The following BANP variants were observed in gnomAD, a reference collection of about 807,000 sequenced individuals.
BANP encodes BTG3 associated nuclear protein, also known as protein BANP.
In BANP, 11 loss-of-function variants were observed where a neutral mutation model predicts 68.1. The observed-to-expected ratio is 0.16, with a 90% CI of 0.10 to 0.27. BANP has a LOEUF of 0.27. Ranked by LOEUF, BANP falls within the 10% of genes least tolerant of loss-of-function variation. The pLI is 1.00. For synonymous variants in BANP, 329 were observed against 303.2 expected (o/e 1.09, Z -0.88); for missense variants, 504 against 722.7 (o/e 0.70, Z 3.47).
intron 4 of BANP, among the ~76,000 whole-genome samples, chr16:87,992,033 T>C (rs1180687160): frequency 6.6e-6 from 1 of 152,246 alleles, no homozygotes; most frequent in African/African-American, 2.4e-5. Flanking sequence ...AGAAGTTTCC[T>C]TCTATTCTTT....
Position 88,018,838 on chromosome 16 carries a change from G to A in BANP, c.895+171G>A, listed in dbSNP as rs2075195830. ...TGCTCGAGGGGATGGATGAGCTGTT[G>A]ACCCTGATGTGCTTATTACGCACGG... is the stretch of plus-strand genomic sequence containing the variant. On this transcript the variant is annotated intron_variant, in intron 7 of 13. Coordinates refer to ENST00000682872, the MANE Select transcript of BANP (RefSeq NM_001386991.1). The surrounding 1 kb of genome is among the most constrained non-coding windows in gnomAD (Gnocchi z 7.7). 6.6e-6 allele frequency among the ~76,000 whole-genome samples: 1 copy of A among 152,198 alleles called. No individual in the cohort carries two copies. The highest frequency in any genetic ancestry group is 6.5e-5 in the Admixed American group (1 of 15,282).
intron 4 of BANP, among the ~76,000 whole-genome samples, chr16:87,994,370 C>A (rs1051028757): frequency 5.3e-5 from 8 of 152,244 alleles, no homozygotes; most frequent in African/African-American, 1.9e-4. Context: ...TGTTGGAGCA[C>A]AAGCATGGCT....
chr16:88,043,747 A>AG (rs1417776250), intron 11 of BANP, among the ~76,000 whole-genome samples: 1 of 152,212 alleles, frequency 6.6e-6, no homozygotes, highest in East Asian at 1.9e-4. Context: ...AGATTCATAG[A>AG]GGGAGAGAGT....
At chr16:88,026,579 A>G (rs1567796649) in intron 7 of BANP, among the ~76,000 whole-genome samples, 3 of 152,178 alleles carry the variant, frequency 2.0e-5, no homozygotes, top group South Asian at 4.1e-4. Flanking sequence ...ATAACAATAC[A>G]TGCGTGAATT....
intron 1 of BANP, among the ~76,000 whole-genome samples, chr16:87,969,731 AC>A (rs1371146755): frequency 6.6e-6 from 1 of 151,198 alleles, no homozygotes; most frequent in Admixed American, 6.6e-5. Context: ...ACGGGCTTTC[AC>A]CATGTTGGCT....
chr16:88,044,037 A>G (rs983622382), intron 11 of BANP, among the ~76,000 whole-genome samples: 6 of 152,220 alleles, frequency 3.9e-5, no homozygotes, highest in African/African-American at 1.4e-4. Context: ...TGGCCACTTC[A>G]GGGGGCTGGC....
chr16:88,047,411 C>T (rs1418472872), intron 11 of BANP, among the ~76,000 whole-genome samples: 2 of 152,196 alleles, frequency 1.3e-5, no homozygotes, highest in Admixed American at 6.5e-5. Context: ...GGGCCTTGCT[C>T]CTTCCCCCAA....
At chr16:87,983,464 C>T (rs1293926744) in intron 3 of BANP, among the ~76,000 whole-genome samples, 1 of 152,118 alleles carries the variant, frequency 6.6e-6, no homozygotes, top group East Asian at 1.9e-4. Context: ...CGTGACTGCT[C>T]ACTGGTTACT....
rs554024609 is a variant in BANP, at chr16:88,003,639, G to T, written c.363-656G>T. On this transcript the variant is annotated intron_variant, in intron 4 of 13. Coordinates refer to ENST00000682872, the MANE Select transcript of BANP (RefSeq NM_001386991.1). The surrounding 1 kb of genome is among the most constrained non-coding windows in gnomAD (Gnocchi z 6.1). ...ACACTCGTGCTTCCTCCAGGGTGGC[G>T]CCAGGCTTGCTGGTTTCTGGGCCAT... The T allele has an allele frequency of 2.2e-5, 9 of 415,668 alleles. No individual in the cohort carries two copies. The highest frequency in any genetic ancestry group is 6.2e-5 in the African/African-American group (3 of 48,578). The allele number at this position is 415,668 out of a possible 1,614,324, so 25.7% of individuals were successfully genotyped here.
At position 87,957,460 on chromosome 16, in the gene BANP, G is replaced by T. The variant is rs2058313334; in HGVS notation, c.-69+5945G>T. ...TTGAGACCGGATCCTGTGTGGACCG[G>T]GTGGGCTGGTGTGGAGTCCTGTCAG... On this transcript the variant is annotated intron_variant, in intron 1 of 13. Coordinates refer to ENST00000682872, the MANE Select transcript of BANP (RefSeq NM_001386991.1). The surrounding 1 kb of genome is among the most constrained non-coding windows in gnomAD (Gnocchi z 4.3). 4.6e-5 allele frequency among the ~76,000 whole-genome samples: 7 copies of T among 152,160 alleles called. No homozygotes were observed. The highest frequency in any genetic ancestry group is 4.6e-4 in the Admixed American group (7 of 15,282).
chr16:87,993,825 T>C (rs1015460776), intron 4 of BANP, among the ~76,000 whole-genome samples: 1 of 152,172 alleles, frequency 6.6e-6, no homozygotes, highest in African/African-American at 2.4e-5. Context: ...GGTCTCGAAC[T>C]CCTGACCTCA....
intron 7 of BANP, among the ~76,000 whole-genome samples, chr16:88,020,311 C>T (rs943247356): frequency 6.6e-6 from 1 of 152,228 alleles, no homozygotes; most frequent in African/African-American, 2.4e-5. Context: ...CAGAGGCGGG[C>T]AGCAGGCCCA....
At chr16:88,052,918 A>C (rs2083624374) in intron 11 of BANP, among the ~76,000 whole-genome samples, 1 of 151,444 alleles carries the variant, frequency 6.6e-6, no homozygotes, top group South Asian at 2.1e-4. Flanking sequence ...CATCACCAAC[A>C]CAACCACCTT....
intron 11 of BANP, among the ~76,000 whole-genome samples, chr16:88,062,652 T>C (rs1316935658): frequency 1.3e-5 from 2 of 152,192 alleles, no homozygotes; most frequent in East Asian, 1.9e-4. Flanking sequence ...CCAGTGTCCC[T>C]GGAGCCTGGA....
intron 11 of BANP, among the ~76,000 whole-genome samples, chr16:88,060,549 G>T (rs1288046259): frequency 1.3e-5 from 2 of 152,314 alleles, no homozygotes; most frequent in East Asian, 3.9e-4. Flanking sequence ...CGTATTTTTT[G>T]TGCCATACAG....
At chr16:88,039,151 T>C (rs1253339758) in intron 11 of BANP, among the ~76,000 whole-genome samples, 2 of 152,176 alleles carry the variant, frequency 1.3e-5, no homozygotes, top group African/African-American at 4.8e-5. Context: ...TGTCAGAGTT[T>C]CTTAGTTGGA....
At chr16:87,986,209 G>A (rs1052037508) in intron 4 of BANP, among the ~76,000 whole-genome samples, 3 of 152,314 alleles carry the variant, frequency 2.0e-5, no homozygotes, top group South Asian at 2.1e-4. Flanking sequence ...AAGGATGAAC[G>A]AACCTCTCCT....
At chr16:88,027,410 C>T in intron 7 of BANP, 73 bp from the exon 8 acceptor site, 1 of 1,565,876 alleles carries the variant, frequency 6.4e-7, no homozygotes, top group Non-Finnish European at 8.8e-7. Context: ...CGGGCCCCGG[C>T]CCTGCAGCCA....
intron 1 of BANP, among the ~76,000 whole-genome samples, chr16:87,972,504 G>C (rs1368761276): frequency 2.0e-5 from 3 of 151,628 alleles, no homozygotes; most frequent in East Asian, 1.9e-4. Context: ...ATGTTATTTT[G>C]CTTCTTATTC....
Sources: allele counts gnomAD v4.1 joint callset (sites outside exome capture counted in the v4.1 genomes callset), GRCh38; gene constraint gnomAD v4.1.1; non-coding constraint Gnocchi (gnomAD v3.1); transcripts MANE v1.5; gene names NCBI Gene and HGNC (gene_info 2026-07-23, HGNC 2026-07-21).